Variants in HMCN1 observed in about 807,000 individuals in gnomAD.
HMCN1 encodes hemicentin-1.
In HMCN1, 321 loss-of-function variants were observed where a neutral mutation model predicts 625.9. The ratio of observed to expected loss-of-function variants is 0.51; its 90% CI spans 0.47 to 0.56. The LOEUF (loss-of-function observed/expected upper bound fraction) is 0.56, where lower values mean the gene tolerates loss of function less well. Ranked by LOEUF, HMCN1 falls within the 20% of genes least tolerant of loss-of-function variation. The pLI, the probability that HMCN1 is intolerant of heterozygous loss-of-function variation, is 0.00. For synonymous variants in HMCN1, 2,425 were observed against 2,417.6 expected (o/e 1.00, Z -0.09); for missense variants, 6,588 against 6,887.3 (o/e 0.96, Z 1.54).
Position 186,166,861 on chromosome 1 carries a change from G to A in HMCN1, c.15493G>A (p.Asp5165Asn). Residue 5165 changes from aspartate (D) to asparagine (N), a missense_variant, in exon 100 of 107, where the codon GAC becomes AAC. Physicochemically the swap from Asp to Asn is conservative, Grantham distance 23. Around this residue, in one of 3 missense-constraint regions of HMCN1, gnomAD observed 1,954 missense variants for 2,013.1 expected, o/e 0.97. Coordinates refer to ENST00000271588, the MANE Select transcript of HMCN1 (RefSeq NM_031935.3). ...TACCTGCCACGCTGGTCAGGACTGT[G>A]ACAATACGATTGGATCTTATCGCTG... is the stretch of plus-strand genomic sequence containing the variant. ...RHTCHAGQDC[D>N]NTIGSYRCVV... 1.2e-6 allele frequency: 2 copies of A among 1,614,186 alleles called. No homozygotes were observed. The highest frequency in any genetic ancestry group is 1.7e-6 in the Non-Finnish European group (2 of 1,180,016).
chr1:185,783,032 A>G (rs1409879978), intron 1 of HMCN1, among the ~76,000 whole-genome samples: 2 of 151,920 alleles, frequency 1.3e-5, no homozygotes, highest in African/African-American at 2.4e-5. Flanking sequence ...TTTCCTGGAG[A>G]CTTTGTTCGT....
chr1:185,872,412 G>A (rs190008098), intron 4 of HMCN1, among the ~76,000 whole-genome samples: 277 of 152,152 alleles, frequency 1.8e-3, no homozygotes, highest in Non-Finnish European at 3.1e-3. Flanking sequence ...CTTTCCATTT[G>A]TTTAGATAAA....
At chr1:186,180,851 G>C (rs1652888449) in intron 104 of HMCN1, among the ~76,000 whole-genome samples, 2 of 151,570 alleles carry the variant, frequency 1.3e-5, no homozygotes, top group Non-Finnish European at 2.9e-5. Context: ...GAAATATACA[G>C]TAAGACTGCC....
At chr1:186,096,125 T>G (rs7547380) in intron 68 of HMCN1, among the ~76,000 whole-genome samples, 1,958 of 152,282 alleles carry the variant, frequency 0.013, 49 homozygotes, top group African/African-American at 0.039. Flanking sequence ...ATTTTGCTTG[T>G]TTTTCTCACT....
chr1:185,853,684 C>T (rs1403089047), intron 2 of HMCN1, among the ~76,000 whole-genome samples: 2 of 152,114 alleles, frequency 1.3e-5, no homozygotes, highest in South Asian at 2.1e-4. Context: ...GGTACCCTAT[C>T]CAGAAGCAAA....
intron 36 of HMCN1, among the ~76,000 whole-genome samples, chr1:186,032,370 A>T (rs1014133179): frequency 6.6e-6 from 1 of 152,016 alleles, no homozygotes; most frequent in Non-Finnish European, 1.5e-5. Flanking sequence ...ATACCACCTT[A>T]CTCCTGCAAG....
At chr1:186,097,549 A>C (rs984661215) in intron 68 of HMCN1, among the ~76,000 whole-genome samples, 1 of 152,156 alleles carries the variant, frequency 6.6e-6, no homozygotes, top group Non-Finnish European at 1.5e-5. Flanking sequence ...CAGTGAAAGA[A>C]ATGGAAAGGA....
intron 1 of HMCN1, among the ~76,000 whole-genome samples, chr1:185,745,236 A>G (rs1376717726): frequency 6.6e-6 from 1 of 151,874 alleles, no homozygotes; most frequent in Non-Finnish European, 1.5e-5. Context: ...GGAATCGGCA[A>G]TGAAAAAGAG....
At position 185,923,474 on chromosome 1, in the gene HMCN1, G is replaced by A. The variant is rs761876647; in HGVS notation, c.1106G>A (p.Gly369Glu). Residue 369 changes from glycine (G) to glutamate (E), a missense_variant, in exon 8 of 107, where the codon GGA (glycine) becomes GAA (glutamate). Physicochemically the swap from Gly to Glu is moderately conservative, Grantham distance 98 (BLOSUM62 -2). Coordinates refer to ENST00000271588, the MANE Select transcript of HMCN1 (RefSeq NM_031935.3). ...CTTCTTGAACTTTTGAGTATCTCAG[G>A]AAGTTCTCTTAAGACTATTCCTGTT... The part of the protein sequence containing the change: ...IDLLELLSIS[G>E]SSLKTIPVKY... The A allele has an allele frequency of 6.2e-7, 1 of 1,610,628 alleles. No homozygotes were observed. The highest frequency in any genetic ancestry group is 1.1e-5 in the South Asian group (1 of 90,980).
intron 105 of HMCN1, among the ~76,000 whole-genome samples, chr1:186,185,148 T>A (rs528002477): frequency 6.6e-6 from 1 of 152,306 alleles, no homozygotes; most frequent in Admixed American, 6.5e-5. Context: ...TGAAAATATA[T>A]CATAAGGTAA....
Position 186,119,174 on chromosome 1 carries a change from T to C in HMCN1, c.11849-17T>C. ...CTGAGATGCAGTATATATTAAAACA[T>C]TTTTTTTCATTTTTAGGAGCAATTG... On this transcript the variant is annotated splice_polypyrimidine_tract_variant and intron_variant, in intron 77 of 106. Coordinates refer to ENST00000271588, the MANE Select transcript of HMCN1 (RefSeq NM_031935.3). The C allele has an allele frequency of 6.4e-7, 1 of 1,559,690 alleles. No homozygotes were observed. Among genetic ancestry groups the C allele is most frequent in the Admixed American group, 1.7e-5 (1 of 59,754 alleles).
intron 11 of HMCN1, among the ~76,000 whole-genome samples, chr1:185,943,317 C>G (rs577307266): frequency 2.6e-5 from 4 of 152,304 alleles, no homozygotes; most frequent in African/African-American, 9.6e-5. Context: ...CACTTCACTC[C>G]TTGTGGGAAT....
rs190413698 is a variant in HMCN1 at position 185,819,009 on chromosome 1, C to T, written c.269-27017C>T. Among the ~76,000 whole-genome samples, 510 of 151,410 alleles carry T rather than the reference C, an allele frequency of 3.4e-3. 1 individual carries two copies. Among genetic ancestry groups the T allele is most frequent in the African/African-American group, 0.012 (490 of 41,270 alleles). Reference sequence around the variant, plus strand: ...ATCCCAGCACTTTGGGAGGCTGAGGCGGGCGGATCACAAGGTCAGGAGTTC... The same window carrying T: ...ATCCCAGCACTTTGGGAGGCTGAGGTGGGCGGATCACAAGGTCAGGAGTTC... On this transcript the variant is annotated intron_variant, in intron 1 of 106. Transcript: ENST00000271588.
At chr1:185,832,321 G>A (rs955902678) in intron 1 of HMCN1, among the ~76,000 whole-genome samples, 1 of 151,866 alleles carries the variant, frequency 6.6e-6, no homozygotes, top group African/African-American at 2.4e-5. Flanking sequence ...AAATAAAGTT[G>A]ATATGGAAAA....
In HMCN1 at chr1:186,078,122, A is replaced by G. The variant is rs771648853; in HGVS notation, c.8501A>G (p.Gln2834Arg). The change falls in exon 55 of 107, where the codon CAG (glutamine) becomes CGG (arginine). Residue 2834 changes from glutamine (Q) to arginine (R), a missense_variant. Physicochemically the swap from Gln to Arg is conservative, Grantham distance 43. Coordinates refer to ENST00000271588, the MANE Select transcript of HMCN1 (RefSeq NM_031935.3). ...TTATTTTCAGGAGGGCGAGTGTTGC[A>G]GATTCCTCGGGCTAAAGTAGAAGAT... ...VLILPGGRVL[Q>R]IPRAKVEDAG... 101 of 1,613,290 alleles carry G rather than the reference A, an allele frequency of 6.3e-5. No homozygotes were observed. In the East Asian group the frequency reaches 2.1e-3, roughly 34 times the overall value.
intron 24 of HMCN1, among the ~76,000 whole-genome samples, chr1:185,996,817 C>A (rs1473677083): frequency 6.6e-6 from 1 of 152,104 alleles, no homozygotes; most frequent in African/African-American, 2.4e-5. Flanking sequence ...TGTTCAGAGA[C>A]ATGGGATGCA....
chr1:185,843,319 C>T (rs184657996), intron 1 of HMCN1, among the ~76,000 whole-genome samples: 9 of 152,096 alleles, frequency 5.9e-5, no homozygotes, highest in Admixed American at 2.6e-4. Flanking sequence ...ACAGGTACGT[C>T]GGCAGGAGAA....
At chr1:185,859,649 G>A (rs1239444590) in intron 2 of HMCN1, among the ~76,000 whole-genome samples, 1 of 151,820 alleles carries the variant, frequency 6.6e-6, no homozygotes, top group Non-Finnish European at 1.5e-5. Context: ...TTCTTCCATA[G>A]ATCATTTTAT....
intron 81 of HMCN1, 88 bp from the exon 82 acceptor site, chr1:186,125,516 A>C (rs568758816): frequency 2.0e-6 from 2 of 1,011,246 alleles, no homozygotes; most frequent in African/African-American, 3.2e-5. Context: ...TTACCCTGAA[A>C]AGAGTTTTTT....
Sources: allele counts gnomAD v4.1 joint callset (sites outside exome capture counted in the v4.1 genomes callset), GRCh38; gene constraint gnomAD v4.1.1; regional missense constraint gnomAD v4.1.1; transcripts MANE v1.5; gene names NCBI Gene and HGNC (gene_info 2026-07-23, HGNC 2026-07-21).